TLE2: variants seen among roughly 807,000 people sequenced by gnomAD.
TLE2 encodes TLE family member 2, transcriptional corepressor.
In TLE2, 74 loss-of-function variants were observed where a neutral mutation model predicts 97.2. The observed-to-expected ratio is 0.76, with a 90% CI of 0.63 to 0.92. The LOEUF (loss-of-function observed/expected upper bound fraction) is 0.92, where lower values mean the gene tolerates loss of function less well. TLE2 is among the 40% of genes least tolerant of loss of function. The probability of loss-of-function intolerance (pLI) is 0.00; values close to 1 mark genes in which losing one functional copy is unlikely to be tolerated. For synonymous variants in TLE2, 499 were observed against 432.1 expected (o/e 1.15, Z -1.92); for missense variants, 1,038 against 1,008.7 (o/e 1.03, Z -0.39).
chr19:3,026,321 G>A (rs763605171), intron 4 of TLE2, among the ~76,000 whole-genome samples: 2 of 151,908 alleles, frequency 1.3e-5, no homozygotes, highest in African/African-American at 2.4e-5. Flanking sequence ...GGTAGCAGGC[G>A]CCTGTAATCC....
chr19:3,028,775 T>C lies in TLE2; in HGVS notation c.53A>G (p.Lys18Arg). 1 of 1,612,828 alleles carries C rather than the reference T, an allele frequency of 6.2e-7. No homozygotes were observed. The highest frequency in any genetic ancestry group is 8.5e-7 in the Non-Finnish European group (1 of 1,179,826). The stretch of plus-strand genomic sequence containing the variant: ...GTCGCAGATCTCCAAGATCGAGAAC[T>C]TGAAGGGCTGGCCGGACTGGAGCGG... ...PTPLQSGQPF[K>R]FSILEICDRI... The change falls in exon 2 of 20, where the codon AAG (lysine) becomes AGG (arginine). Residue 18 changes from lysine (K) to arginine (R), a missense_variant. Lys to Arg is a conservative substitution (Grantham distance 26). Transcript: ENST00000262953.
At chr19:3,004,874 A>C (rs1022917512) in intron 17 of TLE2, among the ~76,000 whole-genome samples, 4 of 152,096 alleles carry the variant, frequency 2.6e-5, no homozygotes, top group African/African-American at 9.7e-5. Context: ...CAAAGCAGTG[A>C]GAGGCAGGAT....
At position 3,019,794 on chromosome 19, in the gene TLE2, G is replaced by A; in HGVS notation, c.295-21C>T. The A allele has an allele frequency of 6.2e-7, 1 of 1,606,764 alleles. No individual in the cohort carries two copies. The highest frequency in any genetic ancestry group is 8.5e-7 in the Non-Finnish European group (1 of 1,177,190). On this transcript the variant is annotated intron_variant, in intron 5 of 19. Coordinates refer to ENST00000262953, the MANE Select transcript of TLE2 (RefSeq NM_003260.5). This position sits in a 1 kb window ranked among gnomAD's most constrained non-coding sequence, Gnocchi z 5.1. ...TGATGCTGGCGGGTGGAAGGGATCA[G>A]GTAGAGGGTACATTGAGCCCCTGCT...
chr19:3,020,990 G>T (rs2089826106), intron 5 of TLE2, among the ~76,000 whole-genome samples: 1 of 148,116 alleles, frequency 6.8e-6, no homozygotes, highest in Non-Finnish European at 1.5e-5. Context: ...TCGTGAGGCT[G>T]ACACAGGAGA....
rs542710911 is a variant in TLE2, at chr19:3,045,390, C to T, written c.63+336G>A. On this transcript the variant is annotated intron_variant, in intron 1 of 18. Coordinates refer to the TLE2 transcript ENST00000426948. ...GAGGCAGTGACTACGGGGCAGGGGT[C>T]GTGAGCCTCCAAGGTCAGCCCTGCC... 3.9e-5 allele frequency among the ~76,000 whole-genome samples: 6 copies of T among 152,270 alleles called. No homozygotes were observed. In the South Asian group the frequency reaches 8.3e-4, roughly 21 times the overall value.
chr19:3,005,418 T>G lies in TLE2; in HGVS notation c.1896+19A>C, dbSNP rs1245864791. On this transcript the variant is annotated intron_variant, in intron 17 of 19. Transcript: ENST00000262953. Reference sequence around the variant, plus strand: ...ATTCCTAGAGCTTCCATCCCCCTCCTGCCAGAACCGAACAGCACCTGGGAG... The same window carrying G: ...ATTCCTAGAGCTTCCATCCCCCTCCGGCCAGAACCGAACAGCACCTGGGAG... 1 of 1,612,540 alleles carries G rather than the reference T, an allele frequency of 6.2e-7. No individual in the cohort carries two copies. The highest frequency in any genetic ancestry group is 1.3e-5 in the African/African-American group (1 of 74,892).
chr19:3,005,419 G>T lies in TLE2; in HGVS notation c.1896+18C>A. The T allele has an allele frequency of 6.2e-7, 1 of 1,612,566 alleles. No individual in the cohort carries two copies. On this transcript the variant is annotated intron_variant, in intron 17 of 19. Coordinates refer to ENST00000262953, the MANE Select transcript of TLE2 (RefSeq NM_003260.5). ...TTCCTAGAGCTTCCATCCCCCTCCT[G>T]CCAGAACCGAACAGCACCTGGGAGC...
chr19:3,044,121 C>T (rs2090124839), intron 1 of TLE2, among the ~76,000 whole-genome samples: 1 of 151,728 alleles, frequency 6.6e-6, no homozygotes, highest in South Asian at 2.1e-4. Flanking sequence ...TGCAGTGGGC[C>T]GAGACCTTGC....
upstream of TLE2, among the ~76,000 whole-genome samples, chr19:3,034,254 C>T (rs1445238969): frequency 1.3e-5 from 2 of 151,574 alleles, no homozygotes; most frequent in African/African-American, 2.4e-5. Context: ...TTTGTCCTCT[C>T]TCCCATCTGG....
upstream of TLE2, chr19:3,047,617 A>G (rs1388220664): frequency 6.6e-6 from 1 of 151,874 alleles, no homozygotes; most frequent in Non-Finnish European, 1.5e-5. Context: ...CAGAAGTTCT[A>G]ATTCTCAGTA....
intron 11 of TLE2, 145 bp downstream of exon 11, chr19:3,013,524 A>T (rs1959633847): frequency 5.1e-5 from 25 of 494,504 alleles, no homozygotes; most frequent in Non-Finnish European, 6.4e-5. Flanking sequence ...CAGGAGGTTT[A>T]AAAAAAAAAG....
Position 3,029,068 on chromosome 19 carries a change from C to A in TLE2, c.-164G>T. On this transcript the variant is annotated 5_prime_UTR_variant, in exon 1 of 20. Transcript: ENST00000262953. The stretch of plus-strand genomic sequence containing the variant: ...GACCCTGGAGTCCCTGGCGCGCCCC[C>A]AAGCGCGCGCGCCCGGGGTCGTGGG... The A allele has an allele frequency of 1.5e-6, 2 of 1,313,408 alleles. No individual in the cohort carries two copies. Among genetic ancestry groups the A allele is most frequent in the African/African-American group, 3.1e-5 (2 of 65,510 alleles). The allele number at this position is 1,313,408 out of a possible 1,614,324, so 81.4% of individuals were successfully genotyped here.
At chr19:3,047,352 C>A (rs564330453), upstream of TLE2, among the ~76,000 whole-genome samples, 6 of 145,074 alleles carry the variant, frequency 4.1e-5, no homozygotes, top group East Asian at 6.5e-4. Flanking sequence ...CACGCCCCCC[C>A]AGGACGCCTC....
chr19:3,029,128 G>A lies in TLE2; in HGVS notation c.-224C>T, dbSNP rs1404061441. The stretch of plus-strand genomic sequence containing the variant: ...CCGGGTTGGGGTGCGCGGGGCGAGC[G>A]GGGCGGGCAGGGGCAGCGGCCGGGG... On this transcript the variant is annotated 5_prime_UTR_variant, in exon 1 of 20. Transcript: ENST00000262953. 1 of 1,077,560 alleles carries A rather than the reference G, an allele frequency of 9.3e-7. No homozygotes were observed. Among genetic ancestry groups the A allele is most frequent in the Non-Finnish European group, 1.1e-6 (1 of 887,038 alleles). The allele number at this position is 1,077,560 out of a possible 1,614,324, so 66.7% of individuals were successfully genotyped here.
intron 16 of TLE2, 26 bp downstream of exon 16, chr19:3,005,695 A>C: frequency 6.2e-7 from 1 of 1,608,696 alleles, no homozygotes. Flanking sequence ...GGGCTTGCCC[A>C]AGGTCCCAGC....
intron 1 of TLE2, among the ~76,000 whole-genome samples, chr19:3,038,109 G>A (rs935661749): frequency 4.6e-5 from 7 of 152,050 alleles, no homozygotes; most frequent in South Asian, 2.1e-4. Context: ...GGGACAGAGC[G>A]AGACTCTGTC....
upstream of TLE2, among the ~76,000 whole-genome samples, chr19:3,046,176 C>T (rs1481980056): frequency 1.3e-5 from 2 of 152,178 alleles, no homozygotes; most frequent in Non-Finnish European, 2.9e-5. Context: ...TTCTGATGTC[C>T]GTGGGCCTCA....
upstream of TLE2, among the ~76,000 whole-genome samples, chr19:3,032,898 A>G (rs1427355982): frequency 6.7e-6 from 1 of 149,464 alleles, no homozygotes; most frequent in Non-Finnish European, 1.5e-5. The surrounding 1 kb of genome is among the most constrained non-coding windows in gnomAD (Gnocchi z 4.1). Flanking sequence ...CTCTGTCCTC[A>G]TTGTCTGCAA....
intron 4 of TLE2, chr19:3,025,497 C>A (rs181368346): frequency 4.0e-6 from 4 of 1,007,514 alleles, no homozygotes; most frequent in Admixed American, 1.2e-4. Context: ...GCTTGGCCCA[C>A]GTCTGTCCCA....
Sources: allele counts gnomAD v4.1 joint callset (sites outside exome capture counted in the v4.1 genomes callset), GRCh38; gene constraint gnomAD v4.1.1; non-coding constraint Gnocchi (gnomAD v3.1); transcripts MANE v1.5; gene names NCBI Gene and HGNC (gene_info 2026-07-23, HGNC 2026-07-21).